AJUBA: variants seen among roughly 807,000 people sequenced by gnomAD.
AJUBA encodes the protein ajuba LIM protein, also known as LIM domain-containing protein ajuba.
AJUBA carries 20 observed loss-of-function variants against 53.3 expected under a neutral mutation model. That is an observed-to-expected ratio of 0.38 (90% confidence interval 0.26 to 0.55). The LOEUF is 0.55. AJUBA is among the 20% of genes least tolerant of loss of function. AJUBA has a pLI of 0.80. For missense variants in AJUBA, 580 were observed against 730.5 expected, an observed-to-expected ratio of 0.79 and a Z score of 2.38; for synonymous variants, 296 against 306.2, an observed-to-expected ratio of 0.97 and a Z score of 0.35.
intron 6 of AJUBA, 28 bp downstream of exon 6, chr14:22,974,811 C>T: frequency 6.2e-7 from 1 of 1,603,934 alleles, no homozygotes; most frequent in South Asian, 1.1e-5. Context: ...GCACTGGCTG[C>T]CCTGAAGGAG....
chr14:22,972,343 G>GAGAGAGAC lies in AJUBA; in HGVS notation c.*1092_*1099dup, dbSNP rs573012681. The GAGAGAGAC allele has an allele frequency of 6.6e-6, 1 of 152,552 alleles. No individual in the cohort carries two copies. Among genetic ancestry groups the GAGAGAGAC allele is most frequent in the Non-Finnish European group, 1.5e-5 (1 of 68,052 alleles). 9.4% of individuals were successfully genotyped at this position (152,552 alleles called of 1,614,324 possible). A position where few individuals can be genotyped will look rare whatever the true frequency, so the allele number is the denominator to read the frequency against. On this transcript the variant is annotated 3_prime_UTR_variant, in exon 8 of 8. Transcript: ENST00000262713. ...CTGAGAAGAGAGTAAGAAAGAGTGA[G>GAGAGAGAC]AGAGAGACAGAGAGACAAGAGAGAG... is the stretch of plus-strand genomic sequence containing the variant.
At chr14:22,977,325 G>T in intron 2 of AJUBA, 1 of 482,344 alleles carries the variant, frequency 2.1e-6, no homozygotes, top group Non-Finnish European at 2.7e-6. Context: ...AGTCACTGGG[G>T]TAAGAGACAA....
At chr14:22,980,524 C>T (rs1007721851) in intron 1 of AJUBA, 2 of 918,208 alleles carry the variant, frequency 2.2e-6, no homozygotes, top group African/African-American at 3.6e-5. Flanking sequence ...GTAGTCATGA[C>T]TTTTACCCTG....
chr14:22,973,222 TG>T lies in AJUBA; in HGVS notation c.*220del. 1 of 630,538 alleles carries T rather than the reference TG, an allele frequency of 1.6e-6. No homozygotes were observed. The highest frequency in any genetic ancestry group is 2.7e-6 in the Non-Finnish European group (1 of 376,136). 39.1% of individuals were successfully genotyped at this position (630,538 alleles called of 1,614,324 possible). A position where few individuals can be genotyped will look rare whatever the true frequency, so the allele number is the denominator to read the frequency against. Reference sequence around the variant, plus strand: ...TGTGCCTAAGCTCAGACTGCACACATGGGAAAAAGGCCAGTCGCCCCCACCC... The same window carrying T: ...TGTGCCTAAGCTCAGACTGCACACATGGAAAAAGGCCAGTCGCCCCCACCC... On this transcript the variant is annotated 3_prime_UTR_variant, in exon 8 of 8. Coordinates refer to ENST00000262713, the MANE Select transcript of AJUBA (RefSeq NM_032876.6).
At position 22,973,369 on chromosome 14, in the gene AJUBA, T is replaced by C; in HGVS notation, c.*74A>G. 1.9e-6 allele frequency: 3 copies of C among 1,549,232 alleles called. No homozygotes were observed. In the East Asian group the frequency reaches 7.3e-5, roughly 38 times the overall value. ...AGGCCTGCAGAGTGCATTCTTTGCC[T>C]TGGCTGGCCTCAGAGGGGCCCACTG... On this transcript the variant is annotated 3_prime_UTR_variant, in exon 8 of 8. Transcript: ENST00000262713.
Position 22,978,706 on chromosome 14 carries a change from G to T in AJUBA, c.1007-261C>A. On this transcript the variant is annotated intron_variant, in intron 1 of 7. Transcript: ENST00000262713. ...ACAGCACCACTACCTAAGGAAACCT[G>T]GAGAAAGTCGAAGATATGGTCCCTG... The T allele has an allele frequency of 3.2e-6, 4 of 1,259,174 alleles. No homozygotes were observed. In the South Asian group the frequency reaches 6.4e-5, roughly 20 times the overall value. The allele number at this position is 1,259,174 out of a possible 1,614,324, so 78.0% of individuals were successfully genotyped here.
At position 22,973,356 on chromosome 14, in the gene AJUBA, T is replaced by C; in HGVS notation, c.*87A>G. On this transcript the variant is annotated 3_prime_UTR_variant, in exon 8 of 8. Transcript: ENST00000262713. The stretch of plus-strand genomic sequence containing the variant: ...GGACTCTTCTGCCAGGCCTGCAGAG[T>C]GCATTCTTTGCCTTGGCTGGCCTCA... The C allele has an allele frequency of 6.5e-7, 1 of 1,533,808 alleles. No individual in the cohort carries two copies. Among genetic ancestry groups the C allele is most frequent in the East Asian group, 2.4e-5 (1 of 40,826 alleles).
rs2045087258 is a variant in AJUBA, at chr14:22,981,139, C to CT, written c.1006+121dup. On this transcript the variant is annotated intron_variant, in intron 1 of 7. Transcript: ENST00000262713. ...CCGCCCCCATCCATCCCTCTTGCTT[C>CT]TTTCCTAGTCCCGCGTCTTCACCTC... The CT allele has an allele frequency of 3.2e-6, 4 of 1,269,120 alleles. No individual in the cohort carries two copies. The African/African-American group carries it at 6.1e-5, about 19-fold the overall frequency. The allele number at this position is 1,269,120 out of a possible 1,614,324, so 78.6% of individuals were successfully genotyped here. A position where few individuals can be genotyped will look rare whatever the true frequency, so the allele number is the denominator to read the frequency against.
Position 22,972,752 on chromosome 14 carries a change from C to G in AJUBA, c.*691G>C, listed in dbSNP as rs974852066. Reference sequence around the variant, plus strand: ...AGGTGCGGGACCCCATATCTGACACCATGTGTCACAAAAAGTGAGGAGCTT... The same window carrying G: ...AGGTGCGGGACCCCATATCTGACACGATGTGTCACAAAAAGTGAGGAGCTT... On this transcript the variant is annotated 3_prime_UTR_variant, in exon 8 of 8. Coordinates refer to ENST00000262713, the MANE Select transcript of AJUBA (RefSeq NM_032876.6). 5.2e-5 allele frequency: 8 copies of G among 152,484 alleles called. No homozygotes were observed. The highest frequency in any genetic ancestry group is 1.9e-4 in the African/African-American group (8 of 41,398). 9.4% of individuals were successfully genotyped at this position (152,484 alleles called of 1,614,324 possible). A position where few individuals can be genotyped will look rare whatever the true frequency, so the allele number is the denominator to read the frequency against.
At chr14:22,976,307 G>A in intron 4 of AJUBA, 149 bp downstream of exon 4, 1 of 883,226 alleles carries the variant, frequency 1.1e-6, no homozygotes, top group Admixed American at 1.9e-5. Flanking sequence ...GGAAGCCACT[G>A]TAAACAGTTG....
Position 22,977,308 on chromosome 14 carries a change from G to A in AJUBA, c.1109-596C>T, listed in dbSNP as rs372569484. The A allele has an allele frequency of 1.6e-5, 11 of 676,750 alleles. No homozygotes were observed. In the African/African-American group the frequency reaches 1.8e-4, roughly 11 times the overall value. The allele number at this position is 676,750 out of a possible 1,614,324, so 41.9% of individuals were successfully genotyped here. ...AAGGCTGCTTCCCTAAGCTTAGAGGGACCCAGAGTCACTGGGGTAAGAGAC... is the reference window on the plus strand; with the variant it reads ...AAGGCTGCTTCCCTAAGCTTAGAGGAACCCAGAGTCACTGGGGTAAGAGAC... On this transcript the variant is annotated intron_variant, in intron 2 of 7. Transcript: ENST00000262713.
chr14:22,977,370 A>G, intron 2 of AJUBA: 1 of 225,230 alleles, frequency 4.4e-6, no homozygotes, highest in Non-Finnish European at 7.4e-6. Flanking sequence ...AGGCAGGACA[A>G]TTCCCCATGT....
chr14:22,981,697 T>C lies in AJUBA; in HGVS notation c.570A>G (p.Gly190=). 6.6e-7 allele frequency: 1 copy of C among 1,518,926 alleles called. No homozygotes were observed. The highest frequency in any genetic ancestry group is 8.8e-7 in the Non-Finnish European group (1 of 1,136,536). The allele number at this position is 1,518,926 out of a possible 1,614,324, so 94.1% of individuals were successfully genotyped here. Residue 190 remains glycine (G), a synonymous_variant, in exon 1 of 8, where the codon GGA becomes GGG. Transcript: ENST00000262713. ...CTCCGGGAGAATAGCCTGCCGGTGC[T>C]CCGGCCAGGGGTGGGCCAAACAGGC... The part of the protein sequence containing the change: ...GPCLFGPPLA[G]APAGYSPGGV...
At position 22,974,601 on chromosome 14, in the gene AJUBA, C is replaced by T. The variant is rs1364920116; in HGVS notation, c.1422+238G>A. The T allele has an allele frequency of 1.1e-5, 6 of 523,298 alleles. No individual in the cohort carries two copies. In the East Asian group the frequency reaches 1.6e-4, roughly 14 times the overall value. 32.4% of individuals were successfully genotyped at this position (523,298 alleles called of 1,614,324 possible). A position where few individuals can be genotyped will look rare whatever the true frequency, so the allele number is the denominator to read the frequency against. ...GTGACCTCGACCTCAAAGAAAGTCT[C>T]CTCCTCTGGACTGGGATAGAAGAGA... On this transcript the variant is annotated intron_variant, in intron 6 of 7. Coordinates refer to ENST00000262713, the MANE Select transcript of AJUBA (RefSeq NM_032876.6).
chr14:22,976,758 T>G (rs2045040953), intron 2 of AJUBA, 46 bp from the exon 3 acceptor site: 1 of 1,603,254 alleles, frequency 6.2e-7, no homozygotes, highest in Non-Finnish European at 8.5e-7. Context: ...ACAGCCCAGG[T>G]GCAAGACTTC....
intron 7 of AJUBA, 63 bp from the exon 8 acceptor site, chr14:22,973,631 G>A: frequency 1.9e-6 from 3 of 1,596,540 alleles, no homozygotes; most frequent in African/African-American, 1.3e-5. Context: ...GGTATCTTAG[G>A]AGTCTGCCCT....
At position 22,974,386 on chromosome 14, in the gene AJUBA, A is replaced by AGGGAG. The variant is rs2045014395; in HGVS notation, c.1423-272_1423-271insCTCCC. Among the ~76,000 whole-genome samples the AGGGAG allele has an allele frequency of 2.6e-5, 4 of 152,332 alleles. No individual in the cohort carries two copies. The East Asian group carries it at 7.7e-4, about 29-fold the overall frequency. Reference sequence around the variant, plus strand: ...TTGTGCAGGAAGCAAAGGGAAGGGAAGGGGACAGGAGGCCTAAATAAAGTA... The same window carrying AGGGAG: ...TTGTGCAGGAAGCAAAGGGAAGGGAAGGGAGGGGGACAGGAGGCCTAAATAAAGTA... On this transcript the variant is annotated intron_variant, in intron 6 of 7. Coordinates refer to ENST00000262713, the MANE Select transcript of AJUBA (RefSeq NM_032876.6).
In AJUBA at chr14:22,981,933, C is replaced by G; in HGVS notation, c.334G>C (p.Glu112Gln). Residue 112 changes from glutamate to glutamine, a missense_variant, in exon 1 of 8, where the codon GAG becomes CAG. Coordinates refer to ENST00000262713, the MANE Select transcript of AJUBA (RefSeq NM_032876.6). ...PQSLPPDFRL[E>Q]PTAPALSPRS... Reference sequence around the variant, plus strand: ...GGGCTGAGGGCCGGGGCCGTGGGCTCCAGCCGAAAATCGGGGGGCAACGAC... The same window carrying G: ...GGGCTGAGGGCCGGGGCCGTGGGCTGCAGCCGAAAATCGGGGGGCAACGAC... 1.9e-6 allele frequency: 3 copies of G among 1,561,126 alleles called. No individual in the cohort carries two copies. The highest frequency in any genetic ancestry group is 1.7e-6 in the Non-Finnish European group (2 of 1,158,962).
Position 22,973,553 on chromosome 14 carries a change from G to C in AJUBA, c.1507C>G (p.Leu503Val). ...CYHCEDCRMQLSDEEGCCCFP... is the reference protein window; with the variant it reads ...CYHCEDCRMQVSDEEGCCCFP... The stretch of plus-strand genomic sequence containing the variant: ...CAGCAGCAGCCTTCCTCATCACTCA[G>C]CTGCATCCGGCAGTCCTAGGGAAGA... The change falls in exon 8 of 8, where the codon CTG becomes GTG. Residue 503 changes from leucine to valine, a missense_variant. Coordinates refer to ENST00000262713, the MANE Select transcript of AJUBA (RefSeq NM_032876.6). 1 of 1,614,166 alleles carries C rather than the reference G, an allele frequency of 6.2e-7. No homozygotes were observed. Among genetic ancestry groups the C allele is most frequent in the East Asian group, 2.2e-5 (1 of 44,884 alleles).
Sources: gnomAD v4.1 joint callset for allele counts (sites outside exome capture counted in the v4.1 genomes callset) on GRCh38, gnomAD v4.1.1 for gene constraint, MANE v1.5 for transcripts, NCBI Gene and HGNC (gene_info 2026-07-23, HGNC 2026-07-21) for gene names.